The following PARD3 variants were observed in gnomAD, a reference collection of about 807,000 sequenced individuals.
PARD3 encodes partitioning defective 3 homolog.
A neutral mutation model predicts 155.4 loss-of-function variants in PARD3; 75 were observed. The ratio of observed to expected loss-of-function variants is 0.48; its 90% CI spans 0.40 to 0.58. The LOEUF (loss-of-function observed/expected upper bound fraction) is 0.58. Ranked by LOEUF, PARD3 falls within the 20% of genes least tolerant of loss-of-function variation. The pLI is 0.00. For missense variants in PARD3, 1,642 were observed against 1,721.7 expected (o/e 0.95, Z 0.82); for synonymous variants, 576 against 610.5 (o/e 0.94, Z 0.83).
intron 22 of PARD3, among the ~76,000 whole-genome samples, chr10:34,136,954 T>C (rs1947932209): frequency 6.6e-6 from 1 of 152,220 alleles, no homozygotes; most frequent in African/African-American, 2.4e-5. Flanking sequence ...ATATCTTGTA[T>C]GTCACTTCCC....
chr10:34,633,257 T>G (rs1302153280), intron 2 of PARD3, among the ~76,000 whole-genome samples: 1 of 151,824 alleles, frequency 6.6e-6, no homozygotes, highest in Non-Finnish European at 1.5e-5. Flanking sequence ...GTAACAGAGC[T>G]CCAAAAAAAA....
At chr10:34,801,540 G>C (rs1042805659) in intron 1 of PARD3, among the ~76,000 whole-genome samples, 2 of 152,164 alleles carry the variant, frequency 1.3e-5, no homozygotes, top group Non-Finnish European at 2.9e-5. Context: ...GCCAAGCCCA[G>C]AATGTGAATG....
intron 2 of PARD3, among the ~76,000 whole-genome samples, chr10:34,669,005 C>G (rs2093556878): frequency 6.6e-6 from 1 of 152,064 alleles, no homozygotes; most frequent in Admixed American, 6.6e-5. Context: ...CAGATTAAAA[C>G]AGGTGGGAAT....
At chr10:34,287,921 A>G (rs1956478801) in intron 20 of PARD3, among the ~76,000 whole-genome samples, 2 of 152,154 alleles carry the variant, frequency 1.3e-5, no homozygotes, top group Admixed American at 1.3e-4. Context: ...TTTTAAGAGT[A>G]TAGATTTGGC....
chr10:34,188,748 CTT>C (rs377645004), intron 22 of PARD3, among the ~76,000 whole-genome samples: 1 of 132,940 alleles, frequency 7.5e-6, no homozygotes, highest in Non-Finnish European at 1.7e-5. Flanking sequence ...CTTAAAATCG[CTT>C]TTTTTTTTTC....
chr10:34,255,989 T>C, intron 22 of PARD3, among the ~76,000 whole-genome samples: 1 of 152,128 alleles, frequency 6.6e-6, no homozygotes, highest in Non-Finnish European at 1.5e-5. Context: ...ATGAATCACA[T>C]CAAAACAAAA....
chr10:34,224,984 C>T (rs1952512616), intron 22 of PARD3, among the ~76,000 whole-genome samples: 1 of 152,036 alleles, frequency 6.6e-6, no homozygotes, highest in South Asian at 2.1e-4. Context: ...GTTTCAAATG[C>T]TTGACTGTTT....
At chr10:34,771,486 T>C (rs967746568) in intron 1 of PARD3, among the ~76,000 whole-genome samples, 3 of 152,246 alleles carry the variant, frequency 2.0e-5, no homozygotes, top group Admixed American at 2.0e-4. Context: ...ATCATGACTA[T>C]GTCATTAGCA....
chr10:34,726,250 G>A (rs545030229), intron 1 of PARD3, among the ~76,000 whole-genome samples: 1 of 152,160 alleles, frequency 6.6e-6, no homozygotes, highest in East Asian at 1.9e-4. Context: ...AGGAGTTCAA[G>A]ACCAGCGTGG....
At chr10:34,305,731 T>C (rs569453877) in intron 20 of PARD3, among the ~76,000 whole-genome samples, 1 of 152,274 alleles carries the variant, frequency 6.6e-6, no homozygotes, top group East Asian at 1.9e-4. Context: ...GCAATCCTAG[T>C]AGACTGGGAG....
chr10:34,345,071 T>A, intron 15 of PARD3: 1 of 983,000 alleles, frequency 1.0e-6, no homozygotes, highest in Non-Finnish European at 1.2e-6. Flanking sequence ...TGTAGATAAT[T>A]ATAAATTGAT....
chr10:34,713,583 A>T (rs1661285964), intron 1 of PARD3, among the ~76,000 whole-genome samples: 1 of 152,056 alleles, frequency 6.6e-6, no homozygotes, highest in Non-Finnish European at 1.5e-5. Context: ...AACACAGCAA[A>T]ATCTCAATCC....
intron 1 of PARD3, among the ~76,000 whole-genome samples, chr10:34,783,604 CAAAAAAAAAAAAAAAA>C (rs35411933): frequency 1.3e-5 from 1 of 76,248 alleles, no homozygotes; most frequent in African/African-American, 5.2e-5. Context: ...ACTCCGTCTT[CAAAAAAAAAAAAAAAA>C]AAAAAAAAAG....
At chr10:34,798,047 T>C (rs1275383263) in intron 1 of PARD3, among the ~76,000 whole-genome samples, 1 of 152,036 alleles carries the variant, frequency 6.6e-6, no homozygotes, top group Non-Finnish European at 1.5e-5. Context: ...AGACTGGATA[T>C]GGTAGCTCAC....
intron 12 of PARD3, among the ~76,000 whole-genome samples, chr10:34,367,403 A>G (rs1355343774): frequency 6.6e-6 from 1 of 152,240 alleles, no homozygotes; most frequent in East Asian, 1.9e-4. Context: ...ACACAGTTAT[A>G]TAAGAAAATG....
intron 2 of PARD3, among the ~76,000 whole-genome samples, chr10:34,636,033 GAAGAAGAAAGAAAGA>G (rs1171125775): frequency 6.7e-6 from 1 of 149,480 alleles, no homozygotes; most frequent in African/African-American, 2.5e-5. Context: ...AAAAAAAGAA[GAAGAAGAAAGAAAGA>G]AAGAAGAAAG....
chr10:34,768,889 G>A (rs1364165305), intron 1 of PARD3, among the ~76,000 whole-genome samples: 1 of 152,154 alleles, frequency 6.6e-6, no homozygotes, highest in Non-Finnish European at 1.5e-5. Context: ...TCTGAAGGGA[G>A]GTGAATATCC....
At chr10:34,630,478 T>C (rs1174350495) in intron 2 of PARD3, among the ~76,000 whole-genome samples, 2 of 151,014 alleles carry the variant, frequency 1.3e-5, no homozygotes, top group Non-Finnish European at 3.0e-5. Flanking sequence ...AGACAGGGTC[T>C]TCCTCTATTA....
At chr10:34,194,645 C>CA (rs1564471634) in intron 22 of PARD3, among the ~76,000 whole-genome samples, 1 of 121,320 alleles carries the variant, frequency 8.2e-6, no homozygotes. Context: ...TAAATTAACA[C>CA]TTTTTTTTCC....
Sources: allele counts gnomAD v4.1 joint callset (sites outside exome capture counted in the v4.1 genomes callset), GRCh38; gene constraint gnomAD v4.1.1; transcripts MANE v1.5; gene names NCBI Gene and HGNC (gene_info 2026-07-23, HGNC 2026-07-21).